Variants in GPR137 observed in about 807,000 individuals in gnomAD.
The protein encoded by GPR137 is G protein-coupled receptor 137.
GPR137 carries 20 observed loss-of-function variants against 38.9 expected under a neutral mutation model. That is an observed-to-expected ratio of 0.51 (90% CI 0.36 to 0.75). The LOEUF is 0.75. Ranked by LOEUF, GPR137 falls within the 30% of genes least tolerant of loss-of-function variation. The pLI is 0.00. For synonymous variants in GPR137, 226 were observed against 235.8 expected, an observed-to-expected ratio of 0.96 and a Z score of 0.38; for missense variants, 456 against 526.4, an observed-to-expected ratio of 0.87 and a Z score of 1.31.
chr11:64,284,172 G>A, upstream of GPR137: 3 of 1,570,828 alleles, frequency 1.9e-6, no homozygotes, highest in Non-Finnish European at 2.6e-6. Context: ...GGAGGTGGTG[G>A]GGTACTTACC....
chr11:64,271,731 C>T (rs1395085605), upstream of GPR137: 6 of 1,448,250 alleles, frequency 4.1e-6, no homozygotes, highest in South Asian at 5.8e-5. Flanking sequence ...GGGCTCCTCC[C>T]CCATCCCTTC....
chr11:64,275,979 A>C (rs545063223), intron 1 of GPR137, among the ~76,000 whole-genome samples: 1 of 152,072 alleles, frequency 6.6e-6, no homozygotes, highest in African/African-American at 2.4e-5. Flanking sequence ...GCCCAAGGTC[A>C]CTGATCTAGT....
upstream of GPR137, among the ~76,000 whole-genome samples, chr11:64,281,390 C>A (rs1334617095): frequency 9.2e-5 from 14 of 152,362 alleles, no homozygotes; most frequent in African/African-American, 3.4e-4. Flanking sequence ...TCAGCTACTT[C>A]TCACCACCTC....
chr11:64,285,757 C>T, upstream of GPR137: 1 of 985,374 alleles, frequency 1.0e-6, no homozygotes, highest in Non-Finnish European at 1.2e-6. Flanking sequence ...GGTTTCACGC[C>T]GGGTGCGGCG....
At position 64,286,781 on chromosome 11, in the gene GPR137, G is replaced by A. The variant is rs144751067; in HGVS notation, c.257G>A (p.Arg86His). The A allele has an allele frequency of 1.9e-6, 3 of 1,609,730 alleles. No homozygotes were observed. The highest frequency in any genetic ancestry group is 2.7e-5 in the African/African-American group (2 of 74,806). Residue 86 changes from arginine (R) to histidine (H), a missense_variant, in exon 1 of 7, where the codon CGC (arginine) becomes CAC (histidine). Arg to His is a conservative substitution (Grantham distance 29). Coordinates refer to ENST00000438980, the MANE Select transcript of GPR137 (RefSeq NM_001170880.2). Reference protein sequence around the residue: ...LFSFYFRDTPRANRLGPLPFW... With the variant: ...LFSFYFRDTPHANRLGPLPFW... The stretch of plus-strand genomic sequence containing the variant: ...TCCTTCTACTTCCGAGATACTCCCC[G>A]CGCCAACCGCCTGGGGCCCTTGCCC...
At chr11:64,284,976 C>G (rs1462999555), upstream of GPR137, 1 of 1,357,546 alleles carries the variant, frequency 7.4e-7, no homozygotes, top group Admixed American at 3.3e-5. Flanking sequence ...CCTTCAGCCC[C>G]TCTGGGCCTT....
chr11:64,284,294 G>A, upstream of GPR137: 1 of 1,612,028 alleles, frequency 6.2e-7, no homozygotes, highest in Non-Finnish European at 8.5e-7. Context: ...CCCCTGCGGG[G>A]CTGGGGCCCA....
intron 2 of GPR137, 89 bp downstream of exon 2, chr11:64,287,103 A>C: frequency 2.0e-6 from 3 of 1,530,064 alleles, no homozygotes; most frequent in Non-Finnish European, 2.6e-6. Context: ...CTCAGGGCTG[A>C]GACAAAGGCA....
upstream of GPR137, among the ~76,000 whole-genome samples, chr11:64,280,741 C>T (rs1171047437): frequency 6.6e-6 from 1 of 151,538 alleles, no homozygotes; most frequent in Non-Finnish European, 1.5e-5. Context: ...GATTTCAGCT[C>T]ACTGCGACCT....
At chr11:64,284,431 T>C (rs764878897), upstream of GPR137, 1 of 1,606,754 alleles carries the variant, frequency 6.2e-7, no homozygotes, top group Non-Finnish European at 8.5e-7. Context: ...ACGGTGGCCC[T>C]GGAAGGCAGA....
At chr11:64,284,470 C>T (rs886640711), upstream of GPR137, 7 of 1,594,832 alleles carry the variant, frequency 4.4e-6, no homozygotes, top group East Asian at 8.9e-5. Context: ...CCTCTCCCAC[C>T]GTAGCGCCCC....
chr11:64,287,919 C>T lies in GPR137; in HGVS notation c.606C>T (p.Pro202=), dbSNP rs368679376. The T allele has an allele frequency of 5.3e-5, 85 of 1,601,830 alleles. No homozygotes were observed. Among genetic ancestry groups the T allele is most frequent in the Non-Finnish European group, 6.9e-5 (81 of 1,179,948 alleles). Residue 202 remains proline, a synonymous_variant, in exon 3 of 7, where the codon CCC becomes CCT. Coordinates refer to ENST00000438980, the MANE Select transcript of GPR137 (RefSeq NM_001170880.2). The part of the protein sequence containing the change: ...ACLCLVARRA[P]STSIYLEAKG... The stretch of plus-strand genomic sequence containing the variant: ...TCTGCCTCGTCGCCAGGCGGGCGCC[C>T]TCCACTAGCATCTACCTGGAGGCCA...
At chr11:64,277,717 G>A (rs886483507) in intron 2 of GPR137, among the ~76,000 whole-genome samples, 7 of 152,160 alleles carry the variant, frequency 4.6e-5, no homozygotes, top group African/African-American at 1.7e-4. Context: ...GGGATTACAG[G>A]TATGAAAGGC....
In GPR137 at chr11:64,286,816, C is replaced by G; in HGVS notation, c.292C>G (p.Leu98Val). Residue 98 changes from leucine (L) to valine (V), a missense_variant, in exon 1 of 7, where the codon CTC (leucine) becomes GTC (valine). Coordinates refer to ENST00000438980, the MANE Select transcript of GPR137 (RefSeq NM_001170880.2). ...NRLGPLPFWL[L>V]YCCPVCLQFF... ...CCTGGGGCCCTTGCCCTTCTGGCTT[C>G]TCTACTGCTGCCCCGTCTGCCTGCA... 6.2e-7 allele frequency: 1 copy of G among 1,600,682 alleles called. No individual in the cohort carries two copies. Among genetic ancestry groups the G allele is most frequent in the South Asian group, 1.1e-5 (1 of 89,496 alleles).
chr11:64,284,727 G>T (rs1352863311), upstream of GPR137: 6 of 1,535,932 alleles, frequency 3.9e-6, no homozygotes, highest in Admixed American at 2.0e-5. Flanking sequence ...GGAACTGTCA[G>T]CGACCTGGCC....
rs917630881 is a variant in GPR137, at chr11:64,285,892, C to G, written c.-633C>G. On this transcript the variant is annotated 5_prime_UTR_variant, in exon 1 of 7. Coordinates refer to ENST00000438980, the MANE Select transcript of GPR137 (RefSeq NM_001170880.2). ...AGCCGGAGCCCCGGGTCCCCACGAC[C>G]TGAGCCGGCTCTCCCATCAGCGGCC... 1.6e-5 allele frequency: 16 copies of G among 974,146 alleles called. No homozygotes were observed. In the East Asian group the frequency reaches 1.7e-3, roughly 104 times the overall value. The allele number at this position is 974,146 out of a possible 1,614,324, so 60.3% of individuals were successfully genotyped here.
Position 64,286,262 on chromosome 11 carries a change from C to A in GPR137, c.-263C>A. 1 of 1,322,644 alleles carries A rather than the reference C, an allele frequency of 7.6e-7. No homozygotes were observed. The highest frequency in any genetic ancestry group is 9.6e-7 in the Non-Finnish European group (1 of 1,037,816). The allele number at this position is 1,322,644 out of a possible 1,614,324, so 81.9% of individuals were successfully genotyped here. A position where few individuals can be genotyped will look rare whatever the true frequency, so the allele number is the denominator to read the frequency against. On this transcript the variant is annotated 5_prime_UTR_variant, in exon 1 of 7. Transcript: ENST00000438980. ...AGGCCCAGGGAGGAGACACCCCCAA[C>A]CCCTATCCGGTCTGTCCTGGAGAAA...
upstream of GPR137, chr11:64,285,528 T>C: frequency 1.0e-6 from 1 of 984,962 alleles, no homozygotes; most frequent in Non-Finnish European, 1.2e-6. Context: ...CGGGAATCCG[T>C]TGCCGCCCCC....
upstream of GPR137, chr11:64,285,053 G>A: frequency 8.9e-7 from 1 of 1,118,502 alleles, no homozygotes; most frequent in Non-Finnish European, 1.1e-6. Flanking sequence ...TTTGTGAAGG[G>A]AGTGATTACT....
Sources: gnomAD v4.1 joint callset for allele counts (sites outside exome capture counted in the v4.1 genomes callset) on GRCh38, gnomAD v4.1.1 for gene constraint, MANE v1.5 for transcripts, NCBI Gene and HGNC (gene_info 2026-07-23, HGNC 2026-07-21) for gene names.